ZC3H6: variants seen among roughly 807,000 people sequenced by gnomAD.
ZC3H6 encodes the protein zinc finger CCCH domain-containing protein 6.
ZC3H6 carries 40 observed loss-of-function variants against 107.7 expected under a neutral mutation model. That is an observed-to-expected ratio of 0.37 (90% CI 0.29 to 0.48). ZC3H6 has a LOEUF of 0.48. Among genes scored for constraint, ZC3H6 ranks in the 20% least tolerant of loss-of-function variants. ZC3H6 has a pLI of 0.98. For missense variants in ZC3H6, 1,267 were observed against 1,410.4 expected, an observed-to-expected ratio of 0.90 and a Z score of 1.63; for synonymous variants, 493 against 487.9, an observed-to-expected ratio of 1.01 and a Z score of -0.14.
At chr2:112,296,796 C>CT (rs553947913) in intron 1 of ZC3H6, among the ~76,000 whole-genome samples, 128 of 152,224 alleles carry the variant, frequency 8.4e-4, no homozygotes, top group Non-Finnish European at 1.6e-3. Context: ...CTAGAGATAC[C>CT]TCTGTAAAAG....
At chr2:112,319,383 T>C (rs914762262) in intron 7 of ZC3H6, among the ~76,000 whole-genome samples, 12 of 152,064 alleles carry the variant, frequency 7.9e-5, no homozygotes, top group Non-Finnish European at 1.5e-5. Context: ...CGGTGGCTCA[T>C]GCCTGTAATC....
intron 11 of ZC3H6, among the ~76,000 whole-genome samples, chr2:112,327,927 G>A (rs1399363019): frequency 2.6e-5 from 4 of 151,552 alleles, no homozygotes; most frequent in Non-Finnish European, 5.9e-5. Context: ...CTTAAGACAG[G>A]GTGTCACTCT....
chr2:112,318,953 C>G (rs1676750793), intron 7 of ZC3H6, among the ~76,000 whole-genome samples: 1 of 152,078 alleles, frequency 6.6e-6, no homozygotes, highest in African/African-American at 2.4e-5. Flanking sequence ...TGAATACCAT[C>G]TATGACCAAT....
At chr2:112,317,392 G>T in intron 7 of ZC3H6, 60 bp downstream of exon 7, 4 of 983,500 alleles carry the variant, frequency 4.1e-6, no homozygotes, top group Non-Finnish European at 5.8e-6. Flanking sequence ...CATCATTGAG[G>T]TTTTAAAAAA....
rs1205079979 is a variant in ZC3H6, at chr2:112,286,268, A to G, written c.32+10242A>G. ...CCAGGGAATCAAGGCAGGATTTTCG[A>G]TGAGCCCTCGGCAGTTAGGGTAAGC... On this transcript the variant is annotated intron_variant, in intron 1 of 11. Transcript: ENST00000409871. 1.8e-5 allele frequency: 6 copies of G among 333,178 alleles called. No individual in the cohort carries two copies. In the East Asian group the frequency reaches 4.8e-4, roughly 27 times the overall value. 20.6% of individuals were successfully genotyped at this position (333,178 alleles called of 1,614,324 possible).
Position 112,276,041 on chromosome 2 carries a change from T to G in ZC3H6, c.32+15T>G. ...GGGCACGACAGGTCGGGAACCCTTC[T>G]TGTCTGTCTTTCTGTCGGATGAGAG... is the stretch of plus-strand genomic sequence containing the variant. On this transcript the variant is annotated intron_variant, in intron 1 of 11. Transcript: ENST00000409871. 6.5e-7 allele frequency: 1 copy of G among 1,539,908 alleles called. No individual in the cohort carries two copies. Among genetic ancestry groups the G allele is most frequent in the Non-Finnish European group, 8.8e-7 (1 of 1,142,078 alleles).
In ZC3H6 at chr2:112,338,336, C is replaced by T. The variant is rs905034287; in HGVS notation, c.*5848C>T. On this transcript the variant is annotated 3_prime_UTR_variant, in exon 12 of 12. Transcript: ENST00000409871. Reference sequence around the variant, plus strand: ...ATTCCTTCTATCCTGATACCATGAACAGTAATTTTCCCTTTTAAGTTATGA... The same window carrying T: ...ATTCCTTCTATCCTGATACCATGAATAGTAATTTTCCCTTTTAAGTTATGA... 4 of 152,192 alleles carry T rather than the reference C, an allele frequency of 2.6e-5. No homozygotes were observed. The highest frequency in any genetic ancestry group is 9.6e-5 in the African/African-American group (4 of 41,454). 9.4% of individuals were successfully genotyped at this position (152,192 alleles called of 1,614,324 possible).
Position 112,331,544 on chromosome 2 carries a change from C to T in ZC3H6, c.2626C>T (p.His876Tyr). The change falls in exon 12 of 12, where the codon CAC becomes TAC. Residue 876 changes from histidine (H) to tyrosine (Y), a missense_variant. Around this residue, in one of 3 missense-constraint regions of ZC3H6, gnomAD observed 925 missense variants for 1,025.7 expected, o/e 0.90. Transcript: ENST00000409871. ...ITLTKPNFAK[H>Y]IVWAPEDLLP... The stretch of plus-strand genomic sequence containing the variant: ...TCTAACCAAACCCAACTTTGCAAAA[C>T]ACATCGTGTGGGCTCCCGAAGACTT... 7 of 1,613,974 alleles carry T rather than the reference C, an allele frequency of 4.3e-6. No homozygotes were observed. The highest frequency in any genetic ancestry group is 1.3e-5 in the African/African-American group (1 of 75,034).
At chr2:112,322,363 T>C (rs1573963454) in intron 8 of ZC3H6, among the ~76,000 whole-genome samples, 1 of 142,686 alleles carries the variant, frequency 7.0e-6, no homozygotes, top group Non-Finnish European at 1.5e-5. Flanking sequence ...GCCCCTGGGG[T>C]CATCCTCCCA....
intron 5 of ZC3H6, among the ~76,000 whole-genome samples, chr2:112,315,227 A>G (rs1448158055): frequency 6.6e-6 from 1 of 152,208 alleles, no homozygotes; most frequent in Non-Finnish European, 1.5e-5. Context: ...ATGGCTAAGC[A>G]TCATACTCTG....
rs1160383084 is a variant in ZC3H6, at chr2:112,337,724, A to G, written c.*5236A>G. On this transcript the variant is annotated 3_prime_UTR_variant, in exon 12 of 12. Transcript: ENST00000409871. ...AGCCTCCGCCTCCCAGGTTCAAGCA[A>G]TTCTCCCACCTTAGCTTCCTGAGTA... 6.6e-6 allele frequency: 1 copy of G among 152,128 alleles called. No individual in the cohort carries two copies. Among genetic ancestry groups the G allele is most frequent in the Non-Finnish European group, 1.5e-5 (1 of 68,108 alleles). 9.4% of individuals were successfully genotyped at this position (152,128 alleles called of 1,614,324 possible).
intron 1 of ZC3H6, chr2:112,286,313 A>G (rs1208573802): frequency 4.3e-6 from 1 of 232,786 alleles, no homozygotes; most frequent in East Asian, 1.4e-4. Flanking sequence ...CCAGGCTCTT[A>G]ATGGTCAACC....
intron 2 of ZC3H6, among the ~76,000 whole-genome samples, chr2:112,302,632 G>T (rs987245631): frequency 2.0e-5 from 3 of 151,980 alleles, no homozygotes; most frequent in Admixed American, 6.6e-5. Context: ...CATTTTTTTT[G>T]AAATTGTATT....
rs1677200858 is a variant in ZC3H6, at chr2:112,339,409, C to A, written c.*6921C>A. ...CAAAAAAGACTCATTTGTATACTTGCCAAAGTTTAAAAGTTTTTTACATTC... is the reference window on the plus strand; with the variant it reads ...CAAAAAAGACTCATTTGTATACTTGACAAAGTTTAAAAGTTTTTTACATTC... On this transcript the variant is annotated 3_prime_UTR_variant, in exon 12 of 12. Coordinates refer to ENST00000409871, the MANE Select transcript of ZC3H6 (RefSeq NM_198581.3). 6.6e-6 allele frequency: 1 copy of A among 152,046 alleles called. No homozygotes were observed. 9.4% of individuals were successfully genotyped at this position (152,046 alleles called of 1,614,324 possible).
At chr2:112,301,646 A>C (rs990220438) in intron 2 of ZC3H6, among the ~76,000 whole-genome samples, 2 of 152,232 alleles carry the variant, frequency 1.3e-5, no homozygotes, top group African/African-American at 4.8e-5. Context: ...CCCACAAAGC[A>C]TATGAAAAAT....
At chr2:112,311,972 T>A in intron 5 of ZC3H6, 35 bp downstream of exon 5, 1 of 1,527,446 alleles carries the variant, frequency 6.5e-7, no homozygotes, top group Non-Finnish European at 8.8e-7. Context: ...GGGGAGGAGC[T>A]TTTTCATCTT....
At chr2:112,305,541 C>CA (rs1168522201) in intron 3 of ZC3H6, among the ~76,000 whole-genome samples, 1 of 151,978 alleles carries the variant, frequency 6.6e-6, no homozygotes, top group Admixed American at 6.6e-5. Flanking sequence ...ATTTTTGCTT[C>CA]AAAAAAATCA....
At chr2:112,300,922 A>C (rs1317182738) in intron 2 of ZC3H6, among the ~76,000 whole-genome samples, 4 of 152,218 alleles carry the variant, frequency 2.6e-5, no homozygotes, top group Admixed American at 1.3e-4. Flanking sequence ...AAATCACATC[A>C]ATTAGGATAA....
At chr2:112,299,795 T>C in intron 1 of ZC3H6, 54 bp from the exon 2 acceptor site, 1 of 1,234,936 alleles carries the variant, frequency 8.1e-7, no homozygotes, top group East Asian at 3.0e-5. Flanking sequence ...TGAAAATCTT[T>C]CTGTAAGATT....
Sources: gnomAD v4.1 joint callset for allele counts (sites outside exome capture counted in the v4.1 genomes callset) on GRCh38, gnomAD v4.1.1 for gene constraint, gnomAD v4.1.1 regional missense constraint, MANE v1.5 for transcripts, NCBI Gene and HGNC (gene_info 2026-07-23, HGNC 2026-07-21) for gene names.